The following AGBL4 variants were observed in gnomAD, a reference collection of about 807,000 sequenced individuals.
The protein encoded by AGBL4 is cytosolic carboxypeptidase 6.
Under a neutral mutation model 66.4 loss-of-function variants are expected in AGBL4, and 58 were observed. That is an observed-to-expected ratio of 0.87 (90% CI 0.71 to 1.09). The LOEUF (loss-of-function observed/expected upper bound fraction) is 1.09. Ranked by LOEUF, AGBL4 falls within the 50% of genes least tolerant of loss-of-function variation. The pLI is 0.00. For missense variants in AGBL4, 579 were observed against 631.0 expected (o/e 0.92, Z 0.88); for synonymous variants, 234 against 222.9 (o/e 1.05, Z -0.44).
At chr1:49,134,475 G>GCCC (rs57286157) in intron 4 of AGBL4, among the ~76,000 whole-genome samples, 81 of 112,808 alleles carry the variant, frequency 7.2e-4, no homozygotes, top group East Asian at 1.3e-3. Flanking sequence ...ATTTTGGAGG[G>GCCC]CCCCCCCCCC....
At chr1:48,877,907 A>T (rs1649377421) in intron 5 of AGBL4, among the ~76,000 whole-genome samples, 2 of 152,174 alleles carry the variant, frequency 1.3e-5, no homozygotes, top group Non-Finnish European at 2.9e-5. Context: ...TAGCTTACAC[A>T]TTCACCAGCA....
chr1:49,028,315 T>C (rs1663899448), intron 5 of AGBL4, among the ~76,000 whole-genome samples: 1 of 152,210 alleles, frequency 6.6e-6, no homozygotes, highest in Admixed American at 6.5e-5. Context: ...TGGATCAGAC[T>C]GTGAAACAAT....
chr1:48,864,539 A>G (rs1647805831), intron 6 of AGBL4, among the ~76,000 whole-genome samples: 1 of 152,222 alleles, frequency 6.6e-6, no homozygotes, highest in Admixed American at 6.5e-5. Flanking sequence ...AATACAATGG[A>G]TAAATTGTAA....
intron 3 of AGBL4, among the ~76,000 whole-genome samples, chr1:49,347,627 A>T (rs1483573823): frequency 1.3e-5 from 2 of 151,932 alleles, no homozygotes; most frequent in African/African-American, 4.8e-5. Context: ...TGGGAGGCTC[A>T]GGCAGCCAGA....
At chr1:49,982,516 G>T (rs1659138889) in intron 1 of AGBL4, among the ~76,000 whole-genome samples, 1 of 152,240 alleles carries the variant, frequency 6.6e-6, no homozygotes, top group Non-Finnish European at 1.5e-5. Flanking sequence ...AAGAGCCTGG[G>T]CACCATGAAC....
rs375891125 is a variant in AGBL4, at chr1:49,759,630, T to C, written c.158-62193A>G. 3.4e-4 allele frequency among the ~76,000 whole-genome samples: 51 copies of C among 152,146 alleles called. 1 individual carries two copies. The South Asian group carries it at 9.5e-3, about 28-fold the overall frequency. On this transcript the variant is annotated intron_variant, in intron 2 of 13. Coordinates refer to ENST00000371839, the MANE Select transcript of AGBL4 (RefSeq NM_032785.4). ...CATTAACTATAGGAGAAATTGGGAG[T>C]AGGTATACATAAAATTTATGTAGTA...
chr1:48,776,485 G>A (rs1570641730), intron 6 of AGBL4: 1 of 736,192 alleles, frequency 1.4e-6, no homozygotes. Flanking sequence ...GAGGACGGGA[G>A]AAGGAGGCAG....
intron 2 of AGBL4, among the ~76,000 whole-genome samples, chr1:49,732,249 T>C (rs1228200683): frequency 6.6e-6 from 1 of 152,176 alleles, no homozygotes. Flanking sequence ...ACCCAAGTTA[T>C]TTCAAGACTC....
intron 3 of AGBL4, among the ~76,000 whole-genome samples, chr1:49,364,143 G>A (rs1214216660): frequency 2.6e-5 from 4 of 152,168 alleles, no homozygotes; most frequent in Non-Finnish European, 4.4e-5. Context: ...GGGAAACTGA[G>A]TGCCTATAAT....
At chr1:49,073,879 T>C (rs4532869) in intron 4 of AGBL4, among the ~76,000 whole-genome samples, 150,841 of 152,302 alleles carry the variant, frequency 0.99, 74,712 homozygotes, top group East Asian at 1. Context: ...GTGCTCTGTC[T>C]CAGGAAGATG....
chr1:49,846,327 C>A, intron 2 of AGBL4: 1 of 1,531,080 alleles, frequency 6.5e-7, no homozygotes, highest in Non-Finnish European at 9.0e-7. Context: ...AAGCCATATG[C>A]ATGCAGGGAC....
At chr1:49,697,618 C>T (rs1647012149) in intron 2 of AGBL4, among the ~76,000 whole-genome samples, 181 bp from the exon 3 acceptor site, 1 of 152,144 alleles carries the variant, frequency 6.6e-6, no homozygotes, top group Non-Finnish European at 1.5e-5. Context: ...GAAAAGCTTT[C>T]ATCTAGGCCA....
intron 2 of AGBL4, among the ~76,000 whole-genome samples, chr1:49,713,954 G>A (rs1158210932): frequency 1.3e-5 from 2 of 151,938 alleles, no homozygotes; most frequent in Non-Finnish European, 1.5e-5. Context: ...TTTTAACCAC[G>A]AATAACTACA....
At chr1:49,683,221 G>A (rs1646728752) in intron 3 of AGBL4, among the ~76,000 whole-genome samples, 1 of 152,054 alleles carries the variant, frequency 6.6e-6, no homozygotes, top group African/African-American at 2.4e-5. Context: ...TATCAGCCTG[G>A]GAAGAAAATC....
At chr1:49,790,318 C>T (rs1341850735) in intron 2 of AGBL4, among the ~76,000 whole-genome samples, 5 of 146,530 alleles carry the variant, frequency 3.4e-5, no homozygotes, top group South Asian at 2.2e-4. Flanking sequence ...GAGCTGAGAT[C>T]GCATGACTGC....
rs1005716226 is a variant in AGBL4, at chr1:49,999,771, T to C, written c.34+23992A>G. ...TAGGGAACCCAGAAATAAATCCATA[T>C]ACATATAGCCAACTAATCTTTGACA... On this transcript the variant is annotated intron_variant, in intron 1 of 13. Transcript: ENST00000371839. 3.3e-5 allele frequency among the ~76,000 whole-genome samples: 5 copies of C among 152,080 alleles called. No individual in the cohort carries two copies. The East Asian group carries it at 5.8e-4, about 18-fold the overall frequency.
intron 4 of AGBL4, among the ~76,000 whole-genome samples, chr1:49,110,482 T>C (rs1478748699): frequency 6.6e-6 from 1 of 152,188 alleles, no homozygotes. Context: ...CCACCATTCT[T>C]AGAGGGTAGG....
intron 6 of AGBL4, among the ~76,000 whole-genome samples, chr1:48,797,319 C>G (rs961289267): frequency 9.2e-5 from 14 of 152,050 alleles, no homozygotes; most frequent in African/African-American, 2.7e-4. Context: ...GTGCACCCAC[C>G]ACCTGGGAAG....
chr1:49,703,214 A>G (rs1647134077), intron 2 of AGBL4, among the ~76,000 whole-genome samples: 1 of 151,990 alleles, frequency 6.6e-6, no homozygotes, highest in South Asian at 2.1e-4. Context: ...AAAAAAAACT[A>G]TTTGAGCTAA....
Sources: allele counts gnomAD v4.1 joint callset (sites outside exome capture counted in the v4.1 genomes callset), GRCh38; gene constraint gnomAD v4.1.1; transcripts MANE v1.5; gene names NCBI Gene and HGNC (gene_info 2026-07-23, HGNC 2026-07-21).